Variants in COLEC11 observed in about 807,000 individuals in gnomAD.
COLEC11 encodes the protein collectin-11.
In COLEC11, 20 loss-of-function variants were observed where a neutral mutation model predicts 27.3. The ratio of observed to expected loss-of-function variants is 0.73; its 90% CI spans 0.51 to 1.06. The LOEUF (loss-of-function observed/expected upper bound fraction) is 1.06, where lower values mean the gene tolerates loss of function less well. Among genes scored for constraint, COLEC11 ranks in the 50% least tolerant of loss-of-function variants. COLEC11 has a pLI of 0.00. For missense variants in COLEC11, 310 were observed against 383.0 expected, an observed-to-expected ratio of 0.81 and a Z score of 1.59; for synonymous variants, 163 against 154.7, an observed-to-expected ratio of 1.05 and a Z score of -0.40.
intron 3 of COLEC11, among the ~76,000 whole-genome samples, chr2:3,622,036 G>T (rs1664223983): frequency 6.6e-6 from 1 of 151,982 alleles, no homozygotes; most frequent in South Asian, 2.1e-4. Context: ...AATTAGCCGG[G>T]TGCTCGCCTG....
chr2:3,644,430 C>CT lies in COLEC11; in HGVS notation c.*315dup. 3 of 565,396 alleles carry CT rather than the reference C, an allele frequency of 5.3e-6. No homozygotes were observed. The highest frequency in any genetic ancestry group is 4.6e-5 in the South Asian group (3 of 65,504). 35.0% of individuals were successfully genotyped at this position (565,396 alleles called of 1,614,324 possible). A position where few individuals can be genotyped will look rare whatever the true frequency, so the allele number is the denominator to read the frequency against. The stretch of plus-strand genomic sequence containing the variant: ...CTTTGTCCAAGCTATACAATAAAAT[C>CT]TTTAAGTAGTGCAGTAGTTAAGTCC... On this transcript the variant is annotated 3_prime_UTR_variant, in exon 7 of 7. Transcript: ENST00000349077.
At chr2:3,597,687 A>G (rs969813066) in intron 1 of COLEC11, among the ~76,000 whole-genome samples, 2 of 150,802 alleles carry the variant, frequency 1.3e-5, no homozygotes, top group African/African-American at 4.8e-5. Context: ...AAAAAAAAAA[A>G]ACTAAACCCA....
In COLEC11 at chr2:3,637,611, G is replaced by T; in HGVS notation, c.274+7G>T. 6.2e-7 allele frequency: 1 copy of T among 1,612,102 alleles called. No homozygotes were observed. The highest frequency in any genetic ancestry group is 8.5e-7 in the Non-Finnish European group (1 of 1,178,172). On this transcript the variant is annotated splice_region_variant and intron_variant, in intron 4 of 6. Coordinates refer to ENST00000349077, the MANE Select transcript of COLEC11 (RefSeq NM_024027.5). ...GGTCCCATTGGCTCTAAAGGTATTT[G>T]CAATGCGATTCTTGCCTCATTTCCC... is the stretch of plus-strand genomic sequence containing the variant.
intron 3 of COLEC11, among the ~76,000 whole-genome samples, chr2:3,625,625 C>CTTTTTTTTTTTTTTTTTTTTT (rs60222284): frequency 2.1e-4 from 19 of 91,460 alleles, no homozygotes; most frequent in East Asian, 1.1e-3. Flanking sequence ...TTCTTTTTTA[C>CTTTTTTTTTTTTTTTTTTTTT]TTTTTTTTTT....
rs577017195 is a variant in COLEC11 at position 3,628,006 on chromosome 2, T to C, written c.203-9527T>C. 4.6e-5 allele frequency among the ~76,000 whole-genome samples: 7 copies of C among 152,356 alleles called. No individual in the cohort carries two copies. The South Asian group carries it at 6.2e-4, about 14-fold the overall frequency. ...CCACTCCAAACCATTGTTTTCAACT[T>C]CTGACATCAAAATCACAGCCTTCAC... On this transcript the variant is annotated intron_variant, in intron 3 of 6. Transcript: ENST00000349077.
intron 1 of COLEC11, among the ~76,000 whole-genome samples, chr2:3,600,176 A>G (rs1157051697): frequency 6.7e-6 from 1 of 149,042 alleles, no homozygotes; most frequent in African/African-American, 2.5e-5. Flanking sequence ...CAGAGCTTGC[A>G]GTGAGCTGAG....
At chr2:3,604,255 C>T (rs1431567738) in intron 1 of COLEC11, 60 bp from the exon 2 acceptor site, 2 of 1,596,308 alleles carry the variant, frequency 1.3e-6, no homozygotes, top group Non-Finnish European at 1.7e-6. Flanking sequence ...GGCCTGCTCA[C>T]TGTCACTGGC....
chr2:3,627,420 C>T (rs917393737), intron 3 of COLEC11, among the ~76,000 whole-genome samples: 16 of 143,780 alleles, frequency 1.1e-4, no homozygotes, highest in Middle Eastern at 4.5e-3. Flanking sequence ...ATGGGCACAA[C>T]GATGAGCATG....
chr2:3,601,839 C>T (rs914401096), intron 1 of COLEC11: 1 of 152,182 alleles, frequency 6.6e-6, no homozygotes, highest in African/African-American at 2.4e-5. Flanking sequence ...ATGGAATGTT[C>T]ATGGCAGTAA....
chr2:3,622,311 G>A (rs1664242538), intron 3 of COLEC11, among the ~76,000 whole-genome samples: 1 of 152,166 alleles, frequency 6.6e-6, no homozygotes, highest in South Asian at 2.1e-4. Context: ...CTGGGTGAGA[G>A]AGTGAAACCC....
At chr2:3,633,265 C>T (rs114324922) in intron 3 of COLEC11, among the ~76,000 whole-genome samples, 1,929 of 152,320 alleles carry the variant, frequency 0.013, 43 homozygotes, top group African/African-American at 0.043. Context: ...GGGGAGGCTC[C>T]TCCCATCTTC....
At chr2:3,617,585 T>C in intron 3 of COLEC11, 1 of 1,611,104 alleles carries the variant, frequency 6.2e-7, no homozygotes, top group East Asian at 2.2e-5. Flanking sequence ...TTCAGTCGTT[T>C]CTTTGGAAGG....
At position 3,643,710 on chromosome 2, in the gene COLEC11, C is replaced by G. The variant is rs1333027828; in HGVS notation, c.425-17C>G. 8.7e-6 allele frequency: 14 copies of G among 1,613,406 alleles called. No homozygotes were observed. The highest frequency in any genetic ancestry group is 1.3e-5 in the African/African-American group (1 of 74,942). On this transcript the variant is annotated splice_polypyrimidine_tract_variant and intron_variant, in intron 6 of 6. Transcript: ENST00000349077. ...CACATACAAGTGCTCACTTTTCAACCCTGCCTTACCCCACAGCTGTCGCCG... is the reference window on the plus strand; with the variant it reads ...CACATACAAGTGCTCACTTTTCAACGCTGCCTTACCCCACAGCTGTCGCCG...
chr2:3,606,452 C>T (rs1374228589), intron 2 of COLEC11, among the ~76,000 whole-genome samples: 1 of 152,200 alleles, frequency 6.6e-6, no homozygotes, highest in Non-Finnish European at 1.5e-5. Flanking sequence ...GTGGGTCAGC[C>T]GTCCTGCGTG....
At chr2:3,637,462 CA>C (rs1665508724) in intron 3 of COLEC11, 70 bp from the exon 4 acceptor site, 1 of 1,182,088 alleles carries the variant, frequency 8.5e-7, no homozygotes, top group African/African-American at 1.5e-5. Flanking sequence ...GTTATCCGTG[CA>C]CGTGTGTGAT....
chr2:3,610,045 C>T (rs1003600706), intron 2 of COLEC11, among the ~76,000 whole-genome samples: 4 of 152,184 alleles, frequency 2.6e-5, no homozygotes, highest in Non-Finnish European at 4.4e-5. Context: ...ACAAACTTGT[C>T]CTTACTGCTT....
At chr2:3,603,040 T>C (rs1662350758) in intron 1 of COLEC11, among the ~76,000 whole-genome samples, 1 of 152,260 alleles carries the variant, frequency 6.6e-6, no homozygotes, top group Non-Finnish European at 1.5e-5. Context: ...CAAATGTTTC[T>C]GAACGAATGA....
intron 3 of COLEC11, among the ~76,000 whole-genome samples, chr2:3,624,310 G>A (rs1664376011): frequency 6.6e-6 from 1 of 152,132 alleles, no homozygotes; most frequent in Admixed American, 6.5e-5. Context: ...GGGTGCCCGT[G>A]GTCCAGTTGG....
At chr2:3,628,072 C>T (rs1664689315) in intron 3 of COLEC11, among the ~76,000 whole-genome samples, 1 of 152,226 alleles carries the variant, frequency 6.6e-6, no homozygotes, top group Admixed American at 6.5e-5. Flanking sequence ...TCTGCAGATC[C>T]GCTCTCATCC....
Sources: allele counts gnomAD v4.1 joint callset (sites outside exome capture counted in the v4.1 genomes callset), GRCh38; gene constraint gnomAD v4.1.1; transcripts MANE v1.5; gene names NCBI Gene and HGNC (gene_info 2026-07-23, HGNC 2026-07-21).